Variants in WDR62 observed in about 807,000 individuals in gnomAD.
WDR62 encodes WD repeat-containing protein 62.
In WDR62, 112 loss-of-function variants were observed where a neutral mutation model predicts 160.6. That is an observed-to-expected ratio of 0.70 (90% CI 0.60 to 0.82). The LOEUF is 0.82. WDR62 is among the 40% of genes least tolerant of loss of function. The probability of loss-of-function intolerance (pLI) is 0.00; values close to 1 mark genes in which losing one functional copy is unlikely to be tolerated. For synonymous variants in WDR62, 792 were observed against 815.1 expected (o/e 0.97, Z 0.48); for missense variants, 1,819 against 1,983.8 (o/e 0.92, Z 1.58).
At chr19:36,102,709 T>C in intron 26 of WDR62, 28 bp from the exon 27 acceptor site, 1 of 1,608,806 alleles carries the variant, frequency 6.2e-7, no homozygotes, top group Non-Finnish European at 8.5e-7. Context: ...GGAAGGGTTA[T>C]GAGGGTCCCC....
downstream of WDR62, among the ~76,000 whole-genome samples, chr19:36,107,083 A>C (rs535689040): frequency 6.6e-6 from 1 of 152,238 alleles, no homozygotes; most frequent in African/African-American, 2.4e-5. Context: ...TATCATAGTA[A>C]AGTCTTCTGC....
chr19:36,060,333 C>A, intron 3 of WDR62: 2 of 435,386 alleles, frequency 4.6e-6, no homozygotes, highest in Non-Finnish European at 8.5e-6. Context: ...GGTTTGTGGG[C>A]AGAGAATAGG....
intron 3 of WDR62, among the ~76,000 whole-genome samples, chr19:36,063,137 G>GT: frequency 6.6e-6 from 1 of 152,310 alleles, no homozygotes; most frequent in South Asian, 2.1e-4. Context: ...TAGAGCTGGG[G>GT]TTTCCCCATG....
intron 10 of WDR62, chr19:36,081,792 A>C: frequency 1.5e-6 from 1 of 682,624 alleles, no homozygotes. Context: ...ATTCTTTGCC[A>C]GTTGGCTCCT....
Position 36,103,774 on chromosome 19 carries a change from C to G in WDR62, c.3946C>G (p.Gln1316Glu), listed in dbSNP as rs35811023. Residue 1316 changes from glutamine (Q) to glutamate (E), a missense_variant, in exon 30 of 32, where the codon CAG becomes GAG. Gln to Glu is a conservative substitution (Grantham distance 29). Around this residue, in one of 3 missense-constraint regions of WDR62, gnomAD observed 770 missense variants for 734.2 expected, o/e 1.05. Transcript: ENST00000401500. ...GCTCCTGCAGCCCCCCGTGGATACC[C>G]AGCCTGGCGTCACCGTCCCTGCAGT... ...DGLLQPPVDT[Q>E]PGVTVPAVSF... is the part of the protein sequence containing the mutation. The G allele has an allele frequency of 5.6e-3, 9,042 of 1,610,452 alleles. 26 individuals are homozygous for G. The highest frequency in any genetic ancestry group is 7.0e-3 in the Non-Finnish European group (8,223 of 1,179,660).
intron 3 of WDR62, 65 bp downstream of exon 3, chr19:36,060,095 A>C: frequency 1.3e-6 from 2 of 1,515,816 alleles, no homozygotes; most frequent in South Asian, 2.2e-5. Flanking sequence ...CCCCTCCCCT[A>C]CACAGCCTGG....
At chr19:36,073,102 A>G (rs1031903663) in intron 8 of WDR62, among the ~76,000 whole-genome samples, 2 of 152,198 alleles carry the variant, frequency 1.3e-5, no homozygotes, top group Non-Finnish European at 2.9e-5. Flanking sequence ...AAATGTTCAT[A>G]GGAATCAAAA....
In WDR62 at chr19:36,100,946, G is replaced by A. The variant is rs192575360; in HGVS notation, c.2867+71G>A. The A allele has an allele frequency of 8.1e-5, 131 of 1,609,822 alleles. 2 individuals are homozygous for A. The Admixed American group carries it at 1.7e-3, about 21-fold the overall frequency. On this transcript the variant is annotated intron_variant, in intron 23 of 31. Transcript: ENST00000401500. ...AGCTGATAGCTGCATCCTGGAAGAA[G>A]TGCTCTCTGCCTTCCCAGTGGGCTT...
At chr19:36,076,333 G>A (rs1274333604) in intron 9 of WDR62, among the ~76,000 whole-genome samples, 1 of 152,030 alleles carries the variant, frequency 6.6e-6, no homozygotes, top group Non-Finnish European at 1.5e-5. Flanking sequence ...TGGGGCAGGG[G>A]AATTACCCGA....
In WDR62 at chr19:36,058,872, G is replaced by A; in HGVS notation, c.269+1G>A. The A allele has an allele frequency of 6.2e-7, 1 of 1,613,486 alleles. No individual in the cohort carries two copies. Among genetic ancestry groups the A allele is most frequent in the Non-Finnish European group, 8.5e-7 (1 of 1,179,416 alleles). On this transcript the variant is annotated splice_donor_variant, in intron 2 of 31. Transcript: ENST00000401500. LOFTEE classifies it high-confidence loss of function. The stretch of plus-strand genomic sequence containing the variant: ...CAGGCCATGTGGCCTACCTGGCAGG[G>A]TAAGCAGATAAGGGCCTCGACGTCT...
rs776685533 is a variant in WDR62, at chr19:36,092,858, G to A, written c.2333+47G>A. 3.1e-6 allele frequency: 5 copies of A among 1,612,594 alleles called. No homozygotes were observed. The South Asian group carries it at 3.3e-5, about 11-fold the overall frequency. ...CCACCAGAGGGATGAGTCCCTGCCA[G>A]GGCCCCATGGAGTGATGCTGGGGAC... On this transcript the variant is annotated intron_variant, in intron 19 of 31. Coordinates refer to ENST00000401500, the MANE Select transcript of WDR62 (RefSeq NM_001083961.2).
At chr19:36,067,198 G>C (rs1374150384) in intron 5 of WDR62, 108 bp from the exon 6 acceptor site, 6 of 1,491,978 alleles carry the variant, frequency 4.0e-6, no homozygotes, top group Non-Finnish European at 4.6e-6. Flanking sequence ...GTCCCAGGAA[G>C]ACAGACTTGG....
chr19:36,074,624 A>T (rs1403755929), intron 9 of WDR62, among the ~76,000 whole-genome samples: 1 of 152,094 alleles, frequency 6.6e-6, no homozygotes, highest in Non-Finnish European at 1.5e-5. Context: ...CAGTGGCCAG[A>T]TTCAGGATCG....
At chr19:36,064,456 T>C (rs1970827924) in intron 3 of WDR62, among the ~76,000 whole-genome samples, 1 of 151,954 alleles carries the variant, frequency 6.6e-6, no homozygotes, top group Non-Finnish European at 1.5e-5. Flanking sequence ...TGTTTTTGTA[T>C]TTTTAGTATA....
intron 7 of WDR62, chr19:36,070,287 T>C: frequency 6.6e-6 from 1 of 151,750 alleles, no homozygotes; most frequent in African/African-American, 2.4e-5. Context: ...GCCTCCCAAG[T>C]AGCTGGGATT....
chr19:36,110,971 C>A, the WDR62 span, among the ~76,000 whole-genome samples: 26 of 152,020 alleles, frequency 1.7e-4, no homozygotes, highest in Admixed American at 1.1e-3. Context: ...GCTTGTCCAC[C>A]CCTGGAGGCT....
intron 10 of WDR62, among the ~76,000 whole-genome samples, chr19:36,082,758 G>C (rs527279891): frequency 1.1e-3 from 161 of 152,316 alleles, no homozygotes; most frequent in Middle Eastern, 3.4e-3. Context: ...GAGGGAGCAG[G>C]CTATGTCCTC....
At chr19:36,079,889 T>C (rs1971789895) in intron 9 of WDR62, among the ~76,000 whole-genome samples, 1 of 152,194 alleles carries the variant, frequency 6.6e-6, no homozygotes, top group Admixed American at 6.5e-5. Flanking sequence ...TTTTGCTATC[T>C]GGTTGATGTT....
chr19:36,066,355 C>T lies in WDR62; in HGVS notation c.489C>T (p.Phe163=), dbSNP rs1210478286. ...GHKYGVACVA[F]SPNMKHIVSM... The stretch of plus-strand genomic sequence containing the variant: ...AGTATGGTGTGGCGTGTGTGGCCTT[C>T]TCACCCAATATGAAGCACATCGTGT... The change falls in exon 5 of 32, where the codon TTC becomes TTT. Residue 163 remains phenylalanine (F), a synonymous_variant. Transcript: ENST00000401500. 2 of 1,613,872 alleles carry T rather than the reference C, an allele frequency of 1.2e-6. No individual in the cohort carries two copies. Among genetic ancestry groups the T allele is most frequent in the African/African-American group, 2.7e-5 (2 of 74,916 alleles).
Sources: allele counts gnomAD v4.1 joint callset (sites outside exome capture counted in the v4.1 genomes callset), GRCh38; gene constraint gnomAD v4.1.1; regional missense constraint gnomAD v4.1.1; transcripts MANE v1.5; gene names NCBI Gene and HGNC (gene_info 2026-07-23, HGNC 2026-07-21).